The following BABAM2 variants were observed in gnomAD, a reference collection of about 807,000 sequenced individuals.
BABAM2 encodes BRISC and BRCA1 A complex member 2.
In BABAM2, 31 loss-of-function variants were observed where a neutral mutation model predicts 54.7. The observed-to-expected ratio is 0.57, with a 90% CI of 0.43 to 0.77. BABAM2 has a LOEUF of 0.77. BABAM2 is among the 30% of genes least tolerant of loss of function. The pLI is 0.00. For missense variants in BABAM2, 364 were observed against 455.8 expected, an observed-to-expected ratio of 0.80 and a Z score of 1.83; for synonymous variants, 167 against 162.9, an observed-to-expected ratio of 1.03 and a Z score of -0.19.
intron 3 of BABAM2, among the ~76,000 whole-genome samples, chr2:27,980,615 A>G (rs950073504): frequency 2.6e-5 from 4 of 152,218 alleles, no homozygotes; most frequent in Non-Finnish European, 4.4e-5. Flanking sequence ...CTGGAACATA[A>G]CTATGTGAGA....
rs112162159 is a variant in BABAM2, at chr2:28,138,229, A to G, written c.680+8849A>G. On this transcript the variant is annotated intron_variant, in intron 7 of 11. Coordinates refer to ENST00000379624, the MANE Select transcript of BABAM2 (RefSeq NM_199191.3). Reference sequence around the variant, plus strand: ...TGGGAAAATGCCCCCAGGATGTCCCAGAACTGATGGAAGATATCAACCCTC... The same window carrying G: ...TGGGAAAATGCCCCCAGGATGTCCCGGAACTGATGGAAGATATCAACCCTC... Among the ~76,000 whole-genome samples, 726 of 152,352 alleles carry G rather than the reference A, an allele frequency of 4.8e-3. 9 individuals carry two copies. The highest frequency in any genetic ancestry group is 0.017 in the African/African-American group (691 of 41,576).
At chr2:28,155,562 A>G (rs1672470300) in intron 7 of BABAM2, among the ~76,000 whole-genome samples, 1 of 152,200 alleles carries the variant, frequency 6.6e-6, no homozygotes, top group Admixed American at 6.5e-5. Context: ...TAATAAATGT[A>G]AAAGTGCTTA....
chr2:28,269,550 G>A (rs1459947868), intron 10 of BABAM2, among the ~76,000 whole-genome samples: 3 of 152,212 alleles, frequency 2.0e-5, no homozygotes, highest in South Asian at 2.1e-4. Flanking sequence ...AGTGACTTTC[G>A]GTCTCTTGGG....
Position 28,269,357 on chromosome 2 carries a change from C to T in BABAM2, c.934+24495C>T, listed in dbSNP as rs955937941. Reference sequence around the variant, plus strand: ...GTAGAGACTCTGTGCTCTCTGCACCCGGAATGAGTCAGCATGTGGATACAT... The same window carrying T: ...GTAGAGACTCTGTGCTCTCTGCACCTGGAATGAGTCAGCATGTGGATACAT... On this transcript the variant is annotated intron_variant, in intron 10 of 11. Transcript: ENST00000379624. 2.6e-5 allele frequency among the ~76,000 whole-genome samples: 4 copies of T among 152,070 alleles called. No individual in the cohort carries two copies. In the East Asian group the frequency reaches 5.8e-4, roughly 22 times the overall value.
intron 7 of BABAM2, among the ~76,000 whole-genome samples, chr2:28,144,331 G>A (rs1451741784): frequency 6.6e-6 from 1 of 152,086 alleles, no homozygotes; most frequent in Non-Finnish European, 1.5e-5. Flanking sequence ...GGGACCTTAG[G>A]TAATACCAGT....
chr2:28,174,669 T>A (rs778234388), intron 7 of BABAM2, among the ~76,000 whole-genome samples: 33 of 152,136 alleles, frequency 2.2e-4, no homozygotes, highest in Non-Finnish European at 4.0e-4. Context: ...CCTCAGAGGC[T>A]CTCAGACTAA....
chr2:28,243,756 C>T (rs1682665583), intron 9 of BABAM2, among the ~76,000 whole-genome samples: 1 of 152,014 alleles, frequency 6.6e-6, no homozygotes. Flanking sequence ...GAATTGTCGA[C>T]TTAAGATCTG....
chr2:28,144,305 C>G (rs1371331517), intron 7 of BABAM2, among the ~76,000 whole-genome samples: 3 of 152,160 alleles, frequency 2.0e-5, no homozygotes, highest in African/African-American at 7.2e-5. Flanking sequence ...GAAATTCCCT[C>G]TAGATACTGT....
At chr2:28,233,352 C>T in intron 7 of BABAM2, 1 of 453,188 alleles carries the variant, frequency 2.2e-6, no homozygotes, top group Non-Finnish European at 4.5e-6. Flanking sequence ...AATCTCTGCA[C>T]AGGGTGAGTT....
At position 28,025,323 on chromosome 2, in the gene BABAM2, G is replaced by T. The variant is rs138608273; in HGVS notation, c.398G>T (p.Arg133Leu). The change falls in exon 5 of 12, where the codon CGG becomes CTG. Residue 133 changes from arginine to leucine, a missense_variant. Transcript: ENST00000379624. ...QYHQFQCSRL[R>L]ESSRLMFEYQ... The stretch of plus-strand genomic sequence containing the variant: ...CACCAATTCCAATGTAGCCGCCTCC[G>T]GGAGAGCTCCCGCCTCATGTTTGAA... 6.2e-7 allele frequency: 1 copy of T among 1,613,074 alleles called. No individual in the cohort carries two copies. Among genetic ancestry groups the T allele is most frequent in the South Asian group, 1.1e-5 (1 of 90,912 alleles).
At chr2:28,302,937 G>A (rs939483643) in intron 11 of BABAM2, among the ~76,000 whole-genome samples, 58 of 152,144 alleles carry the variant, frequency 3.8e-4, no homozygotes, top group African/African-American at 1.4e-3. Flanking sequence ...TTAATGAGTT[G>A]TATATATGAG....
Position 27,995,701 on chromosome 2 carries a change from T to A in BABAM2, c.300+7614T>A, listed in dbSNP as rs1490159753. 6.6e-6 allele frequency among the ~76,000 whole-genome samples: 1 copy of A among 152,124 alleles called. No individual in the cohort carries two copies. Among genetic ancestry groups the A allele is most frequent in the Non-Finnish European group, 1.5e-5 (1 of 68,018 alleles). ...TTCACGCCATTCTCCTGCCTCAGCCTCCCGAGTAGCTGGGACTACAGGCGC... is the reference window on the plus strand; with the variant it reads ...TTCACGCCATTCTCCTGCCTCAGCCACCCGAGTAGCTGGGACTACAGGCGC... On this transcript the variant is annotated intron_variant, in intron 4 of 11. Coordinates refer to ENST00000379624, the MANE Select transcript of BABAM2 (RefSeq NM_199191.3). The surrounding 1 kb of genome is among the most constrained non-coding windows in gnomAD (Gnocchi z 4.1).
At chr2:27,923,044 C>T (rs1253702423) in intron 2 of BABAM2, among the ~76,000 whole-genome samples, 1 of 152,178 alleles carries the variant, frequency 6.6e-6, no homozygotes. Context: ...TTTATGACAG[C>T]AGCTTCATGG....
chr2:28,273,330 CTCCTGCCTTTCTTCT>C (rs1685588121), intron 10 of BABAM2, among the ~76,000 whole-genome samples: 1 of 152,214 alleles, frequency 6.6e-6, no homozygotes, highest in Non-Finnish European at 1.5e-5. Context: ...GACTGAGCAC[CTCCTGCCTTTCTTCT>C]CTTCTCTCCT....
chr2:28,140,009 T>C (rs1466871284), intron 7 of BABAM2, among the ~76,000 whole-genome samples: 2 of 152,182 alleles, frequency 1.3e-5, no homozygotes, highest in South Asian at 2.1e-4. Context: ...TACTTTTCCT[T>C]GTAATAAACA....
chr2:27,903,883 A>G (rs1558574798), intron 2 of BABAM2, among the ~76,000 whole-genome samples: 1 of 152,150 alleles, frequency 6.6e-6, no homozygotes, highest in Non-Finnish European at 1.5e-5. Context: ...TATTAAGTCA[A>G]GAACATTTAC....
rs77176011 is a variant in BABAM2 at position 28,120,011 on chromosome 2, T to C, written c.571-9260T>C. 2.7e-3 allele frequency among the ~76,000 whole-genome samples: 412 copies of C among 152,326 alleles called. 2 individuals carry two copies. Among genetic ancestry groups the C allele is most frequent in the African/African-American group, 8.3e-3 (345 of 41,582 alleles). On this transcript the variant is annotated intron_variant, in intron 6 of 11. Transcript: ENST00000379624. ...CCACCTTAGAATGCCATGGTCCTCA[T>C]TGATGTCCTCAGAGAAGCCATTCTC...
At chr2:28,202,476 A>G (rs1168496895) in intron 7 of BABAM2, among the ~76,000 whole-genome samples, 1 of 151,838 alleles carries the variant, frequency 6.6e-6, no homozygotes, top group Non-Finnish European at 1.5e-5. Context: ...CTACTTTCCT[A>G]TAATGTTGAG....
intron 7 of BABAM2, among the ~76,000 whole-genome samples, chr2:28,159,845 C>T (rs1672887644): frequency 6.6e-6 from 1 of 150,806 alleles, no homozygotes; most frequent in Non-Finnish European, 1.5e-5. Context: ...CACTATACTC[C>T]AGCCTGGGCG....
Sources: gnomAD v4.1 joint callset for allele counts (sites outside exome capture counted in the v4.1 genomes callset) on GRCh38, gnomAD v4.1.1 for gene constraint, Gnocchi (gnomAD v3.1) non-coding constraint, MANE v1.5 for transcripts, NCBI Gene and HGNC (gene_info 2026-07-23, HGNC 2026-07-21) for gene names.